Variants in ZNF846 observed in about 807,000 individuals in gnomAD.
The protein encoded by ZNF846 is zinc finger protein 846, also known as zinc finger protein 420 pseudogene.
ZNF846 carries 15 observed loss-of-function variants against 16.0 expected under a neutral mutation model. That is an observed-to-expected ratio of 0.94 (90% CI 0.63 to 1.45). The LOEUF is 1.45. ZNF846 is among the 40% of genes most tolerant of loss of function. The pLI is 0.00. For synonymous variants in ZNF846, 229 were observed against 212.0 expected, an observed-to-expected ratio of 1.08 and a Z score of -0.70; for missense variants, 714 against 622.3, an observed-to-expected ratio of 1.15 and a Z score of -1.57.
upstream of ZNF846, chr19:9,786,138 T>C (rs541099296): frequency 3.0e-4 from 46 of 151,788 alleles, no homozygotes; most frequent in African/African-American, 1.1e-3. Context: ...GAAGTCTTAG[T>C]TTCCGCGCAG....
downstream of ZNF846, among the ~76,000 whole-genome samples, chr19:9,754,589 C>CAAAAAAAAAAAAAAAAAAAAAAAAA (rs1203086590): frequency 1.2e-4 from 13 of 104,010 alleles, no homozygotes; most frequent in African/African-American, 4.9e-4. Context: ...AAAAAAAAAG[C>CAAAAAAAAAAAAAAAAAAAAAAAAA]AAAGGGCAAC....
chr19:9,780,640 G>T (rs983198981), intron 1 of ZNF846, among the ~76,000 whole-genome samples: 1 of 151,882 alleles, frequency 6.6e-6, no homozygotes, highest in African/African-American at 2.4e-5. Context: ...GTAGAGGTAG[G>T]GTTTCACCAT....
At chr19:9,783,930 T>C (rs2045531290) in intron 1 of ZNF846, among the ~76,000 whole-genome samples, 1 of 152,154 alleles carries the variant, frequency 6.6e-6, no homozygotes, top group Non-Finnish European at 1.5e-5. Flanking sequence ...CTTGAACTTC[T>C]GAGCTCAAGC....
At chr19:9,757,672 T>C (rs1452328881) in exon 6 of ZNF846, 1 of 1,613,496 alleles carries the variant, frequency 6.2e-7, no homozygotes. Context: ...TGCGTTCGCA[T>C]GTGCATATTA....
intron 1 of ZNF846, among the ~76,000 whole-genome samples, chr19:9,775,193 A>ATATGTGTGTG (rs144403603): frequency 1.3e-5 from 2 of 149,420 alleles, no homozygotes; most frequent in African/African-American, 5.0e-5. Context: ...GTGTATATAT[A>ATATGTGTGTG]TGTGTGTGTG....
downstream of ZNF846, chr19:9,755,744 G>A (rs989971754): frequency 3.5e-5 from 4 of 115,556 alleles, no homozygotes; most frequent in Non-Finnish European, 6.8e-5. Context: ...AGCTTGCAGT[G>A]AGCCGAGATC....
intron 3 of ZNF846, among the ~76,000 whole-genome samples, chr19:9,762,677 G>C (rs547011614): frequency 6.6e-6 from 1 of 152,264 alleles, no homozygotes; most frequent in South Asian, 2.1e-4. Flanking sequence ...TACACCAGGG[G>C]TGTCCAATCT....
At chr19:9,777,768 G>A (rs536428367) in intron 1 of ZNF846, among the ~76,000 whole-genome samples, 1 of 152,194 alleles carries the variant, frequency 6.6e-6, no homozygotes, top group Non-Finnish European at 1.5e-5. Flanking sequence ...AGGCCAAGGT[G>A]GGTGGATCAC....
At chr19:9,764,343 T>C (rs1209620775) in intron 2 of ZNF846, among the ~76,000 whole-genome samples, 1 of 152,218 alleles carries the variant, frequency 6.6e-6, no homozygotes, top group South Asian at 2.1e-4. Context: ...TTGCTAATCA[T>C]AGGTTATGGA....
At chr19:9,773,753 G>T (rs949083689) in intron 1 of ZNF846, among the ~76,000 whole-genome samples, 3 of 152,118 alleles carry the variant, frequency 2.0e-5, no homozygotes, top group African/African-American at 7.2e-5. Context: ...CTGCACTTCA[G>T]CCTGGGCGAC....
At chr19:9,759,940 A>G (rs753733949) in exon 5 of ZNF846, 2 of 1,611,734 alleles carry the variant, frequency 1.2e-6, no homozygotes, top group Admixed American at 3.3e-5. Flanking sequence ...TGCAAATCCA[A>G]TTCTGAAATA....
intron 2 of ZNF846, 67 bp from the exon 3 acceptor site, chr19:9,763,475 A>G: frequency 2.7e-6 from 4 of 1,468,426 alleles, no homozygotes; most frequent in Non-Finnish European, 3.7e-6. Flanking sequence ...AGAAAAATGC[A>G]TGAAGGACTA....
Position 9,763,409 on chromosome 19 carries a change from C to T in ZNF846, c.16-1G>A, listed in dbSNP as rs1430829427. On this transcript the variant is annotated splice_acceptor_variant, in intron 2 of 5. Transcript: ENST00000397902. LOFTEE classifies it high-confidence loss of function. ...CCACATCCTCAAAGGTCACTAAGTGCTAAACCATTAAATACATGCCAGCTT... is the reference window on the plus strand; with the variant it reads ...CCACATCCTCAAAGGTCACTAAGTGTTAAACCATTAAATACATGCCAGCTT... The T allele has an allele frequency of 3.1e-6, 5 of 1,595,932 alleles. No homozygotes were observed. The East Asian group carries it at 1.1e-4, about 36-fold the overall frequency.
chr19:9,769,777 A>T (rs1599396725), upstream of ZNF846, among the ~76,000 whole-genome samples: 1 of 151,868 alleles, frequency 6.6e-6, no homozygotes, highest in South Asian at 2.1e-4. Context: ...GGAGTTCGAG[A>T]CCAGCCTGGC....
chr19:9,761,698 A>G (rs1486089039), intron 4 of ZNF846, among the ~76,000 whole-genome samples: 1 of 151,702 alleles, frequency 6.6e-6, no homozygotes, highest in Non-Finnish European at 1.5e-5. Context: ...GCGACAGTGC[A>G]AGACTCCATC....
chr19:9,749,880 G>A (rs768619984), downstream of ZNF846, among the ~76,000 whole-genome samples: 8 of 152,064 alleles, frequency 5.3e-5, no homozygotes, highest in South Asian at 2.1e-4. Flanking sequence ...CAGAGATTTC[G>A]CATTAAAAAG....
At chr19:9,765,806 T>G (rs549930612) in intron 1 of ZNF846, among the ~76,000 whole-genome samples, 2 of 151,458 alleles carry the variant, frequency 1.3e-5, no homozygotes, top group African/African-American at 4.9e-5. Context: ...GGGTGGCTCA[T>G]GCCTGTAATC....
Position 9,758,659 on chromosome 19 carries a change from T to TAA in ZNF846, c.417_418insTT (p.Lys140LeufsTer13). The TAA allele has an allele frequency of 1.2e-6, 2 of 1,613,142 alleles. No individual in the cohort carries two copies. The highest frequency in any genetic ancestry group is 3.3e-5 in the Admixed American group (2 of 59,996). On this transcript the variant is annotated frameshift_variant, in exon 6 of 6. Transcript: ENST00000397902. LOFTEE classifies it low-confidence loss of function (END_TRUNC). The stretch of plus-strand genomic sequence containing the variant: ...CCACTCTGATTATCCTCAGAAGTTT[T>TAA]CTCTCCAATGTGAGTTATCATGTGA...
intron 5 of ZNF846, 117 bp from the exon 6 acceptor site, chr19:9,758,881 T>C: frequency 2.3e-6 from 2 of 883,154 alleles, no homozygotes; most frequent in South Asian, 2.0e-5. Flanking sequence ...AACATATCCA[T>C]TATATGTACA....
Sources: gnomAD v4.1 joint callset for allele counts (sites outside exome capture counted in the v4.1 genomes callset) on GRCh38, gnomAD v4.1.1 for gene constraint, MANE v1.5 for transcripts, NCBI Gene and HGNC (gene_info 2026-07-23, HGNC 2026-07-21) for gene names.